GLI2: variants seen among roughly 807,000 people sequenced by gnomAD.
GLI2 encodes transcription activator GLI2.
In GLI2, 22 loss-of-function variants were observed where a neutral mutation model predicts 78.9. The ratio of observed to expected loss-of-function variants is 0.28; its 90% CI spans 0.20 to 0.40. The LOEUF is 0.40. GLI2 is among the 10% of genes least tolerant of loss of function. GLI2 has a pLI of 1.00. For missense variants in GLI2, 2,097 were observed against 2,213.2 expected (o/e 0.95, Z 1.05); for synonymous variants, 974 against 963.7 (o/e 1.01, Z -0.20).
Position 120,834,925 on chromosome 2 carries a change from T to A in GLI2, c.148+37457T>A, listed in dbSNP as rs1244253223. Among the ~76,000 whole-genome samples the A allele has an allele frequency of 3.1e-4, 47 of 152,284 alleles. 2 individuals are homozygous for A. The East Asian group carries it at 7.2e-3, about 23-fold the overall frequency. On this transcript the variant is annotated intron_variant, in intron 2 of 13. Coordinates refer to ENST00000361492, the MANE Select transcript of GLI2 (RefSeq NM_001374353.1). ...CAGGGGCTCTGCACCCCATGTTCTC[T>A]GGGCTAAACCCACATGGGTCCTCAC... is the stretch of plus-strand genomic sequence containing the variant.
Position 120,766,552 on chromosome 2 carries a change from A to C in GLI2, c.-31+30267A>C, listed in dbSNP as rs1683373154. On this transcript the variant is annotated intron_variant, in intron 1 of 13. Coordinates refer to ENST00000361492, the MANE Select transcript of GLI2 (RefSeq NM_001374353.1). ...TGGGAAAGAAAGGCCCTCCCCTGAT[A>C]GCCTGAGGTTCTGTGTTCACCAGAA... Among the ~76,000 whole-genome samples the C allele has an allele frequency of 2.6e-5, 4 of 152,228 alleles. No homozygotes were observed. In the South Asian group the frequency reaches 8.3e-4, roughly 32 times the overall value.
chr2:120,967,518 G>A (rs143510826), intron 5 of GLI2, among the ~76,000 whole-genome samples: 1 of 152,336 alleles, frequency 6.6e-6, no homozygotes, highest in African/African-American at 2.4e-5. Flanking sequence ...TGGAACCACA[G>A]TGGAAGAGCC....
intron 2 of GLI2, among the ~76,000 whole-genome samples, chr2:120,826,311 G>A (rs920278956): frequency 2.0e-5 from 3 of 152,206 alleles, no homozygotes; most frequent in East Asian, 1.9e-4. Flanking sequence ...AGGGTCTGCC[G>A]TCCTGTTTAC....
chr2:120,859,025 GCCC>G (rs59930883), intron 2 of GLI2, among the ~76,000 whole-genome samples: 44,918 of 151,832 alleles, frequency 0.3, 7,563 homozygotes, highest in East Asian at 0.62. Context: ...TAAAGCGGGT[GCCC>G]CCTCCCCTCG....
chr2:120,987,564 C>T (rs577702355), intron 13 of GLI2, among the ~76,000 whole-genome samples: 2 of 152,336 alleles, frequency 1.3e-5, no homozygotes, highest in South Asian at 2.1e-4. Context: ...CCTCTGCCCA[C>T]TCTTGCAGCC....
At chr2:120,893,057 T>A (rs1196655811) in intron 2 of GLI2, among the ~76,000 whole-genome samples, 1 of 152,180 alleles carries the variant, frequency 6.6e-6, no homozygotes, top group Non-Finnish European at 1.5e-5. Flanking sequence ...CTGGCAGAGC[T>A]CCTGCCCCCA....
chr2:120,972,213 A>G, intron 8 of GLI2, 150 bp downstream of exon 8: 1 of 840,968 alleles, frequency 1.2e-6, no homozygotes, highest in Non-Finnish European at 2.0e-6. Flanking sequence ...GGGAATGCTG[A>G]GCTGTGACTT....
chr2:120,917,632 A>AAG (rs1679166218), intron 2 of GLI2, among the ~76,000 whole-genome samples: 3 of 152,270 alleles, frequency 2.0e-5, no homozygotes, highest in Admixed American at 1.3e-4. Context: ...GCTGCCTTGC[A>AAG]GCACACAGGA....
At chr2:120,885,643 G>C (rs1237967164) in intron 2 of GLI2, among the ~76,000 whole-genome samples, 1 of 152,230 alleles carries the variant, frequency 6.6e-6, no homozygotes, top group Non-Finnish European at 1.5e-5. Flanking sequence ...CCTTGAGGCA[G>C]CTGCTGGCAG....
chr2:120,901,965 G>A (rs1678278673), intron 2 of GLI2, among the ~76,000 whole-genome samples: 1 of 152,098 alleles, frequency 6.6e-6, no homozygotes, highest in Non-Finnish European at 1.5e-5. Flanking sequence ...ATTCAGATTT[G>A]TTGTGCCTTT....
intron 10 of GLI2, among the ~76,000 whole-genome samples, chr2:120,979,040 C>T (rs1274341820): frequency 6.6e-6 from 1 of 152,178 alleles, no homozygotes; most frequent in East Asian, 1.9e-4. Context: ...CACTTTGCTA[C>T]CCAGGCAGCT....
At chr2:120,958,313 C>A (rs1036110794) in intron 5 of GLI2, among the ~76,000 whole-genome samples, 1 of 152,176 alleles carries the variant, frequency 6.6e-6, no homozygotes, top group Non-Finnish European at 1.5e-5. Context: ...ATCTTTCCCT[C>A]TTTAAATCCA....
At chr2:120,881,453 G>A (rs1677117286) in intron 2 of GLI2, among the ~76,000 whole-genome samples, 2 of 149,334 alleles carry the variant, frequency 1.3e-5, no homozygotes, top group Admixed American at 6.6e-5. Flanking sequence ...GGAGGACTGT[G>A]GAAGGTGGAC....
chr2:120,844,404 G>A (rs1687017713), intron 2 of GLI2, among the ~76,000 whole-genome samples: 1 of 152,150 alleles, frequency 6.6e-6, no homozygotes, highest in South Asian at 2.1e-4. Flanking sequence ...AGCCCTACTT[G>A]GGTACAAGCT....
intron 8 of GLI2, among the ~76,000 whole-genome samples, chr2:120,973,766 A>G (rs934056589): frequency 1.3e-5 from 2 of 152,212 alleles, no homozygotes; most frequent in African/African-American, 4.8e-5. Flanking sequence ...GAACAAGTGG[A>G]TTCGTTGAAA....
chr2:120,897,436 C>T (rs1436673408), intron 2 of GLI2, among the ~76,000 whole-genome samples: 1 of 152,220 alleles, frequency 6.6e-6, no homozygotes, highest in Non-Finnish European at 1.5e-5. Context: ...CAGTTCTCCA[C>T]TTACAATGGC....
intron 2 of GLI2, among the ~76,000 whole-genome samples, chr2:120,924,334 G>T (rs7603780): frequency 0.039 from 5,924 of 152,232 alleles, 352 homozygotes; most frequent in African/African-American, 0.13. Context: ...TGGCACTTGG[G>T]AGCTGCCTCC....
At chr2:120,769,508 C>G (rs1683463349) in intron 1 of GLI2, among the ~76,000 whole-genome samples, 1 of 152,192 alleles carries the variant, frequency 6.6e-6, no homozygotes, top group Admixed American at 6.5e-5. Flanking sequence ...CCCAGCGCTC[C>G]CAGCTACTGG....
At chr2:120,787,410 C>T (rs2104678632) in intron 1 of GLI2, among the ~76,000 whole-genome samples, 1 of 152,220 alleles carries the variant, frequency 6.6e-6, no homozygotes, top group East Asian at 1.9e-4. Flanking sequence ...TGGTCCTTGC[C>T]CCCACCCCCA....
Sources: allele counts gnomAD v4.1 joint callset (sites outside exome capture counted in the v4.1 genomes callset), GRCh38; gene constraint gnomAD v4.1.1; transcripts MANE v1.5; gene names NCBI Gene and HGNC (gene_info 2026-07-23, HGNC 2026-07-21).